The following TAF8 variants were observed in gnomAD, a reference collection of about 807,000 sequenced individuals.
The protein encoded by TAF8 is TATA-box binding protein associated factor 8, also known as transcription initiation factor TFIID subunit 8.
Under a neutral mutation model 36.5 loss-of-function variants are expected in TAF8, and 47 were observed. The ratio of observed to expected loss-of-function variants is 1.29; its 90% confidence interval spans 1.02 to 1.64. The LOEUF (loss-of-function observed/expected upper bound fraction) is 1.64, where lower values mean the gene tolerates loss of function less well. Among genes scored for constraint, TAF8 ranks in the 40% most tolerant of loss-of-function variants. TAF8 has a pLI of 0.00. For synonymous variants in TAF8, 175 were observed against 159.5 expected (o/e 1.10, Z -0.73); for missense variants, 420 against 407.6 (o/e 1.03, Z -0.26).
intron 7 of TAF8, among the ~76,000 whole-genome samples, chr6:42,075,651 T>C (rs1417902166): frequency 6.6e-6 from 1 of 152,132 alleles, no homozygotes; most frequent in Non-Finnish European, 1.5e-5. Context: ...AACAGGAATC[T>C]CAATGACTTC....
chr6:42,058,073 G>A (rs1350474812), intron 5 of TAF8, among the ~76,000 whole-genome samples: 1 of 152,012 alleles, frequency 6.6e-6, no homozygotes, highest in Non-Finnish European at 1.5e-5. Flanking sequence ...TCAATTGGGG[G>A]AAAAGTTACT....
At chr6:42,069,548 C>A (rs1454014239) in intron 7 of TAF8, among the ~76,000 whole-genome samples, 1 of 152,096 alleles carries the variant, frequency 6.6e-6, no homozygotes, top group East Asian at 1.9e-4. Flanking sequence ...TTGCCTTCAG[C>A]CAAGATAGGA....
intron 4 of TAF8, among the ~76,000 whole-genome samples, chr6:42,056,740 G>A (rs1485890104): frequency 6.6e-6 from 1 of 152,130 alleles, no homozygotes; most frequent in Non-Finnish European, 1.5e-5. Flanking sequence ...CAAGTAGCTG[G>A]GATTACAGGC....
chr6:42,078,747 G>A lies in TAF8; in HGVS notation c.*1202G>A, dbSNP rs1364928890. Reference sequence around the variant, plus strand: ...CTGCCAAGTCTTACCCCTTCTGGAAGAAGAGGTTTTCTCTGACAAGAGCCT... The same window carrying A: ...CTGCCAAGTCTTACCCCTTCTGGAAAAAGAGGTTTTCTCTGACAAGAGCCT... On this transcript the variant is annotated 3_prime_UTR_variant, in exon 9 of 9. Transcript: ENST00000372977. 3.5e-5 allele frequency: 34 copies of A among 985,368 alleles called. No homozygotes were observed. The highest frequency in any genetic ancestry group is 4.1e-5 in the Non-Finnish European group (34 of 829,976). The allele number at this position is 985,368 out of a possible 1,614,324, so 61.0% of individuals were successfully genotyped here. A position where few individuals can be genotyped will look rare whatever the true frequency, so the allele number is the denominator to read the frequency against.
At chr6:42,084,159 C>A (rs901774167), downstream of TAF8, among the ~76,000 whole-genome samples, 1 of 131,164 alleles carries the variant, frequency 7.6e-6, no homozygotes, top group Non-Finnish European at 1.5e-5. Context: ...CCAGCCTGGG[C>A]GACAGAGCGA....
chr6:42,065,072 G>A (rs928957694), intron 5 of TAF8, among the ~76,000 whole-genome samples: 10 of 151,314 alleles, frequency 6.6e-5, no homozygotes, highest in Non-Finnish European at 1.3e-4. Flanking sequence ...CCGGCTGGGC[G>A]CGGTGACTCA....
chr6:42,063,537 T>C (rs1448161130), intron 5 of TAF8: 2 of 152,208 alleles, frequency 1.3e-5, no homozygotes, highest in Non-Finnish European at 2.9e-5. Context: ...CCTATAACCT[T>C]TTCTAGCGGG....
At position 42,079,855 on chromosome 6, in the gene TAF8, A is replaced by C; in HGVS notation, c.*2310A>C. The C allele has an allele frequency of 1.0e-6, 1 of 985,080 alleles. No homozygotes were observed. Among genetic ancestry groups the C allele is most frequent in the Non-Finnish European group, 1.2e-6 (1 of 829,902 alleles). The allele number at this position is 985,080 out of a possible 1,614,324, so 61.0% of individuals were successfully genotyped here. A position where few individuals can be genotyped will look rare whatever the true frequency, so the allele number is the denominator to read the frequency against. On this transcript the variant is annotated 3_prime_UTR_variant, in exon 9 of 9. Transcript: ENST00000372977. Reference sequence around the variant, plus strand: ...AGGCGTGAGCCACGGTGCCCAGCCCATCTCTTAGTCTTCCATTCCCTTGGT... The same window carrying C: ...AGGCGTGAGCCACGGTGCCCAGCCCCTCTCTTAGTCTTCCATTCCCTTGGT...
chr6:42,080,031 A>C lies in TAF8; in HGVS notation c.*2486A>C. Reference sequence around the variant, plus strand: ...AAATTGGATTCCCCAACTGGACTAAATAGGAGTTTTTCAGGTTTGTAGTAA... The same window carrying C: ...AAATTGGATTCCCCAACTGGACTAACTAGGAGTTTTTCAGGTTTGTAGTAA... On this transcript the variant is annotated 3_prime_UTR_variant, in exon 9 of 9. Coordinates refer to ENST00000372977, the MANE Select transcript of TAF8 (RefSeq NM_138572.3). 2 of 985,352 alleles carry C rather than the reference A, an allele frequency of 2.0e-6. No homozygotes were observed. Among genetic ancestry groups the C allele is most frequent in the Non-Finnish European group, 2.4e-6 (2 of 829,942 alleles). The allele number at this position is 985,352 out of a possible 1,614,324, so 61.0% of individuals were successfully genotyped here.
intron 2 of TAF8, 40 bp downstream of exon 2, chr6:42,051,553 A>G (rs1023653641): frequency 4.4e-6 from 7 of 1,602,762 alleles, no homozygotes; most frequent in African/African-American, 2.7e-5. Flanking sequence ...GTCAACCCCA[A>G]CATCAGTTCT....
Position 42,081,841 on chromosome 6 carries a change from G to C in TAF8, c.*4296G>C, listed in dbSNP as rs1300622143. 6.6e-6 allele frequency: 1 copy of C among 152,158 alleles called. No homozygotes were observed. The highest frequency in any genetic ancestry group is 6.6e-5 in the Admixed American group (1 of 15,264). The allele number at this position is 152,158 out of a possible 1,614,324, so 9.4% of individuals were successfully genotyped here. A position where few individuals can be genotyped will look rare whatever the true frequency, so the allele number is the denominator to read the frequency against. ...ATTTTTAAATGCAAACTCCAGACCT[G>C]TGTCATTTAATCTAAATGTGTCTAT... On this transcript the variant is annotated 3_prime_UTR_variant, in exon 9 of 9. Coordinates refer to ENST00000372977, the MANE Select transcript of TAF8 (RefSeq NM_138572.3).
intron 7 of TAF8, among the ~76,000 whole-genome samples, chr6:42,070,417 G>A (rs1230520984): frequency 6.6e-6 from 1 of 152,212 alleles, no homozygotes; most frequent in Non-Finnish European, 1.5e-5. Flanking sequence ...GCGTGAACCT[G>A]GGAGATGGAG....
intron 5 of TAF8, among the ~76,000 whole-genome samples, chr6:42,058,898 C>G (rs764562127): frequency 1.6e-4 from 24 of 152,308 alleles, no homozygotes; most frequent in Non-Finnish European, 3.1e-4. Context: ...CTCATAGATG[C>G]ATCACTCCAG....
chr6:42,058,624 G>A (rs1765088500), intron 5 of TAF8, among the ~76,000 whole-genome samples: 1 of 152,178 alleles, frequency 6.6e-6, no homozygotes, highest in Non-Finnish European at 1.5e-5. Context: ...TTAGGGTGGG[G>A]GAGAGGGAAT....
intron 2 of TAF8, among the ~76,000 whole-genome samples, chr6:42,052,476 C>G (rs1043082358): frequency 4.6e-5 from 7 of 152,268 alleles, no homozygotes; most frequent in African/African-American, 1.7e-4. Context: ...CGTGCACCAC[C>G]ACGCCTGGCT....
intron 7 of TAF8, among the ~76,000 whole-genome samples, chr6:42,076,045 T>TA (rs1765735770): frequency 6.6e-6 from 1 of 151,964 alleles, no homozygotes; most frequent in Non-Finnish European, 1.5e-5. Flanking sequence ...CCGTCTCTAC[T>TA]AAAAATAAAA....
chr6:42,077,342 G>A (rs1765788911), intron 8 of TAF8, 103 bp downstream of exon 8: 1 of 1,509,368 alleles, frequency 6.6e-7, no homozygotes, highest in African/African-American at 1.4e-5. Flanking sequence ...CTTGGGGAAA[G>A]CCACTCTGGT....
downstream of TAF8, among the ~76,000 whole-genome samples, chr6:42,085,890 C>G (rs1205534506): frequency 1.3e-5 from 2 of 152,168 alleles, no homozygotes; most frequent in Non-Finnish European, 2.9e-5. Flanking sequence ...GAGGCTGAGG[C>G]AGGAGAATTG....
chr6:42,066,236 A>G, intron 5 of TAF8, 76 bp from the exon 6 acceptor site: 1 of 1,575,664 alleles, frequency 6.3e-7, no homozygotes, highest in Non-Finnish European at 8.6e-7. Context: ...GGGCATAGCA[A>G]CAGCAAGCCA....
Sources: allele counts gnomAD v4.1 joint callset (sites outside exome capture counted in the v4.1 genomes callset), GRCh38; gene constraint gnomAD v4.1.1; transcripts MANE v1.5; gene names NCBI Gene and HGNC (gene_info 2026-07-23, HGNC 2026-07-21).